Variants in LRP1B observed in about 807,000 individuals in gnomAD.
The protein encoded by LRP1B is LDL receptor related protein 1B, also known as low-density lipoprotein receptor-related protein 1B.
A neutral mutation model predicts 556.6 loss-of-function variants in LRP1B; 217 were observed. That is an observed-to-expected ratio of 0.39 (90% CI 0.35 to 0.44). LRP1B has a LOEUF of 0.44. Among genes scored for constraint, LRP1B ranks in the 20% least tolerant of loss-of-function variants. The pLI, the probability that LRP1B is intolerant of heterozygous loss-of-function variation, is 1.00. For missense variants in LRP1B, 5,053 were observed against 5,620.8 expected, an observed-to-expected ratio of 0.90 and a Z score of 3.23; for synonymous variants, 2,047 against 1,865.8, an observed-to-expected ratio of 1.10 and a Z score of -2.50.
At chr2:140,789,914 G>A (rs1035829438) in intron 32 of LRP1B, among the ~76,000 whole-genome samples, 1 of 152,006 alleles carries the variant, frequency 6.6e-6, no homozygotes, top group Admixed American at 6.6e-5. Context: ...ACAGGCGTGA[G>A]CCACCGCGCC....
chr2:140,849,917 CTG>C (rs148658856), intron 29 of LRP1B, among the ~76,000 whole-genome samples, 183 bp downstream of exon 29: 2,380 of 152,146 alleles, frequency 0.016, 31 homozygotes, highest in South Asian at 0.062. Context: ...TCAGTCTGCT[CTG>C]TGCAATTTAA....
chr2:141,422,357 A>G (rs939876874), intron 3 of LRP1B, among the ~76,000 whole-genome samples: 3 of 152,176 alleles, frequency 2.0e-5, no homozygotes, highest in Non-Finnish European at 2.9e-5. Context: ...GACAACCACA[A>G]ACCAAAACCA....
At chr2:141,143,150 C>T (rs1701698233) in intron 7 of LRP1B, among the ~76,000 whole-genome samples, 1 of 152,048 alleles carries the variant, frequency 6.6e-6, no homozygotes, top group East Asian at 1.9e-4. Context: ...AGGATGGTCT[C>T]AATCTCCTGA....
chr2:140,950,389 C>T lies in LRP1B; in HGVS notation c.2982G>A (p.Gly994=), dbSNP rs1467453921. ...KWHCDSDDDC[G]DGSDEVGCVH... ...CACAGCCCACCTCATCACTCCCGTC[C>T]CCACAGTCGTCATCTGGAAAGAAAC... Residue 994 remains glycine, a synonymous_variant, in exon 20 of 91, where the codon GGG becomes GGA. Transcript: ENST00000389484. 6.2e-7 allele frequency: 1 copy of T among 1,601,644 alleles called. No homozygotes were observed. Among genetic ancestry groups the T allele is most frequent in the Non-Finnish European group, 8.5e-7 (1 of 1,175,948 alleles).
At chr2:140,818,918 C>A (rs1053635455) in intron 31 of LRP1B, among the ~76,000 whole-genome samples, 1 of 122,662 alleles carries the variant, frequency 8.2e-6, no homozygotes, top group African/African-American at 3.3e-5. Flanking sequence ...GCCTGGGCAA[C>A]AGAGCGAGAC....
chr2:141,644,877 T>C (rs531741077), intron 2 of LRP1B, among the ~76,000 whole-genome samples: 2 of 152,110 alleles, frequency 1.3e-5, no homozygotes, highest in East Asian at 3.9e-4. Flanking sequence ...GCACTCAGCA[T>C]CTTCACCCAG....
At chr2:140,816,335 C>A (rs1366414476) in intron 31 of LRP1B, among the ~76,000 whole-genome samples, 3 of 151,974 alleles carry the variant, frequency 2.0e-5, no homozygotes, top group African/African-American at 7.3e-5. Flanking sequence ...CCAGGATGGT[C>A]TCGATCTCTT....
rs188389657 is a variant in LRP1B at position 141,101,926 on chromosome 2, G to A, written c.1014-39653C>T. Among the ~76,000 whole-genome samples the A allele has an allele frequency of 3.1e-4, 47 of 152,230 alleles. 1 individual carries two copies. The highest frequency in any genetic ancestry group is 2.7e-3 in the Admixed American group (41 of 15,278). On this transcript the variant is annotated intron_variant, in intron 7 of 90. Coordinates refer to ENST00000389484, the MANE Select transcript of LRP1B (RefSeq NM_018557.3). Reference sequence around the variant, plus strand: ...TTTCACAAGGTTAAAAGTTTCTGTAGTCATGACTTTAAATGCATTTCACTG... The same window carrying A: ...TTTCACAAGGTTAAAAGTTTCTGTAATCATGACTTTAAATGCATTTCACTG...
intron 1 of LRP1B, among the ~76,000 whole-genome samples, chr2:142,049,850 A>G (rs1704389049): frequency 6.6e-6 from 1 of 152,156 alleles, no homozygotes. Context: ...TTATGAGTAC[A>G]AAGATGAAAA....
Position 141,469,420 on chromosome 2 carries a change from GGCA to G in LRP1B, c.343+10973_343+10975del, listed in dbSNP as rs566623422. Reference sequence around the variant, plus strand: ...CCAGAGGCTTGGTAGCTTAAACAAAGGCAGCTTATTTCTTAGTTCTAGAGGCTA... The same window carrying G: ...CCAGAGGCTTGGTAGCTTAAACAAAGGCTTATTTCTTAGTTCTAGAGGCTA... On this transcript the variant is annotated intron_variant, in intron 3 of 90. Coordinates refer to ENST00000389484, the MANE Select transcript of LRP1B (RefSeq NM_018557.3). Among the ~76,000 whole-genome samples, 24 of 152,218 alleles carry G rather than the reference GGCA, an allele frequency of 1.6e-4. No homozygotes were observed. The East Asian group carries it at 4.6e-3, about 29-fold the overall frequency.
At chr2:141,623,422 G>C (rs970995100) in intron 2 of LRP1B, among the ~76,000 whole-genome samples, 6 of 152,072 alleles carry the variant, frequency 3.9e-5, no homozygotes, top group Non-Finnish European at 8.8e-5. Context: ...GAATTCCAAA[G>C]AAGTGCTTTC....
At chr2:141,916,387 C>T (rs867354722) in intron 1 of LRP1B, among the ~76,000 whole-genome samples, 8 of 31,970 alleles carry the variant, frequency 2.5e-4, no homozygotes, top group African/African-American at 7.5e-4. Flanking sequence ...TTATTTGAGA[C>T]GGAGTCTCGC....
rs577272276 is a variant in LRP1B, at chr2:140,706,296, C to A, written c.6024-3743G>T. Among the ~76,000 whole-genome samples the A allele has an allele frequency of 2.6e-3, 393 of 152,118 alleles. 2 individuals carry two copies. Among genetic ancestry groups the A allele is most frequent in the Non-Finnish European group, 3.9e-3 (268 of 67,996 alleles). On this transcript the variant is annotated intron_variant, in intron 37 of 90. Transcript: ENST00000389484. ...AAAACGTGTTCACTATATGATATAG[C>A]CAAGAAAAACTGATTTTAGAGTATC...
At chr2:142,108,432 A>T (rs998112159) in intron 1 of LRP1B, among the ~76,000 whole-genome samples, 4 of 152,118 alleles carry the variant, frequency 2.6e-5, no homozygotes, top group African/African-American at 9.7e-5. Context: ...GATGTTCAAT[A>T]AAAAAACCAC....
intron 1 of LRP1B, among the ~76,000 whole-genome samples, chr2:141,822,294 T>A (rs1000864724): frequency 1.3e-5 from 2 of 152,196 alleles, no homozygotes; most frequent in Non-Finnish European, 2.9e-5. Context: ...TGTGTTCTTT[T>A]CTGAAATTTC....
chr2:141,544,381 T>TCTTCTC (rs1685463294), intron 2 of LRP1B, among the ~76,000 whole-genome samples: 17 of 79,798 alleles, frequency 2.1e-4, no homozygotes, highest in African/African-American at 6.9e-4. Context: ...TTCTTCTTCT[T>TCTTCTC]CTCCTCCTCC....
intron 2 of LRP1B, among the ~76,000 whole-genome samples, chr2:141,638,113 C>T (rs372289402): frequency 6.6e-6 from 1 of 152,130 alleles, no homozygotes; most frequent in East Asian, 1.9e-4. Flanking sequence ...GTAGAGGGAT[C>T]TCCCAGGAGG....
At chr2:141,529,954 C>A (rs1055839988) in intron 2 of LRP1B, among the ~76,000 whole-genome samples, 1 of 152,142 alleles carries the variant, frequency 6.6e-6, no homozygotes, top group South Asian at 2.1e-4. Context: ...AGATCTCATG[C>A]AATTTTCTGT....
chr2:140,741,385 T>TAAG (rs1273787897), intron 35 of LRP1B, among the ~76,000 whole-genome samples: 1 of 152,028 alleles, frequency 6.6e-6, no homozygotes, highest in Non-Finnish European at 1.5e-5. Context: ...TAGAAGAGAT[T>TAAG]AAGATCAAGT....
Sources: gnomAD v4.1 joint callset for allele counts (sites outside exome capture counted in the v4.1 genomes callset) on GRCh38, gnomAD v4.1.1 for gene constraint, MANE v1.5 for transcripts, NCBI Gene and HGNC (gene_info 2026-07-23, HGNC 2026-07-21) for gene names.